The following IBSP variants were observed in gnomAD, a reference collection of about 807,000 sequenced individuals.
IBSP encodes integrin-binding sialoprotein.
IBSP carries 19 observed loss-of-function variants against 25.5 expected under a neutral mutation model. The ratio of observed to expected loss-of-function variants is 0.74; its 90% confidence interval spans 0.52 to 1.09. The LOEUF (loss-of-function observed/expected upper bound fraction) is 1.09, where lower values mean the gene tolerates loss of function less well. IBSP is among the 50% of genes least tolerant of loss of function. IBSP has a pLI of 0.00. For synonymous variants in IBSP, 144 were observed against 137.6 expected (o/e 1.05, Z -0.33); for missense variants, 360 against 382.3 (o/e 0.94, Z 0.49).
At chr4:87,809,156 T>C (rs960602223) in intron 5 of IBSP, among the ~76,000 whole-genome samples, 2 of 152,190 alleles carry the variant, frequency 1.3e-5, no homozygotes, top group Admixed American at 6.5e-5. Context: ...GATAATATCT[T>C]TGTAAGCGCA....
chr4:87,808,184 CTTT>C (rs547277695), intron 5 of IBSP, among the ~76,000 whole-genome samples: 2 of 143,622 alleles, frequency 1.4e-5, no homozygotes, highest in Admixed American at 1.4e-4. Flanking sequence ...ATAAAATAAA[CTTT>C]TTTTTTTTTT....
rs554466480 is a variant in IBSP at position 87,810,491 on chromosome 4, A to T, written c.247-115A>T. On this transcript the variant is annotated intron_variant, in intron 5 of 6. Transcript: ENST00000226284. Reference sequence around the variant, plus strand: ...CAGGCTTTGAGTGATCAGCCAGCTGAGGGATGCAAAGTTTTTCCAAATAAT... The same window carrying T: ...CAGGCTTTGAGTGATCAGCCAGCTGTGGGATGCAAAGTTTTTCCAAATAAT... 180 of 764,530 alleles carry T rather than the reference A, an allele frequency of 2.4e-4. No homozygotes were observed. The East Asian group carries it at 4.1e-3, about 17-fold the overall frequency. The allele number at this position is 764,530 out of a possible 1,614,324, so 47.4% of individuals were successfully genotyped here.
intron 1 of IBSP, among the ~76,000 whole-genome samples, chr4:87,801,345 G>A (rs1191434286): frequency 6.7e-6 from 1 of 150,118 alleles, no homozygotes; most frequent in East Asian, 1.9e-4. Flanking sequence ...GATATCTCAA[G>A]GCGAAACTCT....
In IBSP at chr4:87,811,435, A is replaced by G. The variant is rs981564125; in HGVS notation, c.479A>G (p.Asn160Ser). 6.2e-7 allele frequency: 1 copy of G among 1,613,916 alleles called. No homozygotes were observed. The highest frequency in any genetic ancestry group is 2.2e-5 in the East Asian group (1 of 44,830). The change falls in exon 7 of 7, where the codon AAT (asparagine) becomes AGT (serine). Residue 160 changes from asparagine to serine, a missense_variant. Coordinates refer to ENST00000226284, the MANE Select transcript of IBSP (RefSeq NM_004967.4). ...GAAGAAGAGGAGGAAGAGGAAGGAAATGAAAACGAAGAAAGCGAAGCAGAA... is the reference window on the plus strand; with the variant it reads ...GAAGAAGAGGAGGAAGAGGAAGGAAGTGAAAACGAAGAAAGCGAAGCAGAA... ...DEEEEEEEEGNENEESEAEVD... is the reference protein window; with the variant it reads ...DEEEEEEEEGSENEESEAEVD...
intron 5 of IBSP, among the ~76,000 whole-genome samples, chr4:87,809,780 G>T (rs1447032332): frequency 6.6e-6 from 1 of 152,044 alleles, no homozygotes; most frequent in Non-Finnish European, 1.5e-5. Flanking sequence ...TAAATAAATT[G>T]TATATATAGG....
At chr4:87,810,345 AT>A (rs1560527992) in intron 5 of IBSP, among the ~76,000 whole-genome samples, 2 of 152,234 alleles carry the variant, frequency 1.3e-5, no homozygotes, top group Middle Eastern at 3.2e-3. Flanking sequence ...AAACACAAGT[AT>A]TTTTTAATTG....
chr4:87,807,275 G>A (rs997556646), intron 5 of IBSP, among the ~76,000 whole-genome samples: 3 of 152,098 alleles, frequency 2.0e-5, no homozygotes, highest in African/African-American at 7.2e-5. Context: ...TTTCTCAGGT[G>A]CTATTTATGA....
At chr4:87,809,717 C>T (rs1459303932) in intron 5 of IBSP, among the ~76,000 whole-genome samples, 1 of 152,158 alleles carries the variant, frequency 6.6e-6, no homozygotes, top group African/African-American at 2.4e-5. Flanking sequence ...AAAGTTATCA[C>T]AATCTCTTAA....
intron 5 of IBSP, among the ~76,000 whole-genome samples, chr4:87,809,552 A>G (rs1486013752): frequency 2.0e-5 from 3 of 152,136 alleles, no homozygotes; most frequent in African/African-American, 7.2e-5. Context: ...TATTTGACAC[A>G]ATTAGCTTGG....
chr4:87,804,631 A>G (rs996270409), intron 4 of IBSP, among the ~76,000 whole-genome samples: 10 of 152,218 alleles, frequency 6.6e-5, no homozygotes, highest in Admixed American at 3.3e-4. Flanking sequence ...ATTGTCTTCA[A>G]TTTCAGAACT....
Position 87,811,769 on chromosome 4 carries a change from C to T in IBSP, c.813C>T (p.Tyr271=), listed in dbSNP as rs1304341987. ...ACGAATACACGGGCGCCAATGAATA[C>T]GACAATGGATATGAAATCTATGAAA... ...GEYEYTGANE[Y]DNGYEIYESE... is the part of the protein sequence containing the mutation. The change falls in exon 7 of 7, where the codon TAC becomes TAT. Residue 271 remains tyrosine, a synonymous_variant. Transcript: ENST00000226284. The T allele has an allele frequency of 6.2e-7, 1 of 1,613,698 alleles. No homozygotes were observed. Among genetic ancestry groups the T allele is most frequent in the Non-Finnish European group, 8.5e-7 (1 of 1,179,868 alleles).
At chr4:87,805,882 T>G (rs1722081511) in intron 4 of IBSP, among the ~76,000 whole-genome samples, 2 of 152,316 alleles carry the variant, frequency 1.3e-5, no homozygotes, top group South Asian at 4.1e-4. Flanking sequence ...AATTCATATC[T>G]TGATCATAGT....
rs991192212 is a variant in IBSP at position 87,799,585 on chromosome 4, T to C, written c.-63T>C. 5.3e-5 allele frequency: 8 copies of C among 152,162 alleles called. No homozygotes were observed. The highest frequency in any genetic ancestry group is 1.9e-4 in the African/African-American group (8 of 41,436). The allele number at this position is 152,162 out of a possible 1,614,324, so 9.4% of individuals were successfully genotyped here. On this transcript the variant is annotated 5_prime_UTR_variant, in exon 1 of 7. Transcript: ENST00000226284. ...GAGGGCAGAGGAAATACTCAATCTG[T>C]GCCACTCACTGCCTTGAGCCTGCTT... is the stretch of plus-strand genomic sequence containing the variant.
rs549592762 is a variant in IBSP at position 87,801,477 on chromosome 4, C to T, written c.-14-871C>T. ...TCTGTCTCTGTCTCTCATCCACCCA[C>T]CCATACACACACACACACACACACA... On this transcript the variant is annotated intron_variant, in intron 1 of 6. Transcript: ENST00000226284. 5.0e-4 allele frequency among the ~76,000 whole-genome samples: 51 copies of T among 101,702 alleles called. 1 individual carries two copies. The East Asian group carries it at 5.9e-3, about 12-fold the overall frequency. 66.7% of individuals were successfully genotyped at this position (101,702 alleles called of 152,430 possible). A position where few individuals can be genotyped will look rare whatever the true frequency, so the allele number is the denominator to read the frequency against.
Position 87,812,123 on chromosome 4 carries a change from A to G in IBSP, c.*213A>G, listed in dbSNP as rs567685467. On this transcript the variant is annotated 3_prime_UTR_variant, in exon 7 of 7. Transcript: ENST00000226284. ...TATGGAATGATCATTGTAAATCAGG[A>G]CCATTTATCAAGCAGTACACCAACT... 4.1e-4 allele frequency: 182 copies of G among 441,016 alleles called. No individual in the cohort carries two copies. In the South Asian group the frequency reaches 0.012, roughly 29 times the overall value. 27.3% of individuals were successfully genotyped at this position (441,016 alleles called of 1,614,324 possible). A position where few individuals can be genotyped will look rare whatever the true frequency, so the allele number is the denominator to read the frequency against.
rs1560528183 is a variant in IBSP, at chr4:87,810,739, T to A, written c.380T>A (p.Leu127Ter). The A allele has an allele frequency of 6.2e-7, 1 of 1,612,016 alleles. No individual in the cohort carries two copies. Among genetic ancestry groups the A allele is most frequent in the Admixed American group, 1.7e-5 (1 of 59,560 alleles). Residue 127 changes from leucine to a stop codon, truncating the protein, a stop_gained, in exon 6 of 7, where the codon TTA becomes TAA. Transcript: ENST00000226284. LOFTEE classifies it low-confidence loss of function (END_TRUNC). ...DATPGTGYTG[L>*]AAIQLPKKAG... ...ACGCCTGGCACAGGGTATACAGGGT[T>A]AGCTGCAATCCAGCTTCCCAAGAAG...
At chr4:87,801,316 T>C (rs1342779227) in intron 1 of IBSP, among the ~76,000 whole-genome samples, 2 of 152,098 alleles carry the variant, frequency 1.3e-5, no homozygotes, top group Non-Finnish European at 2.9e-5. Flanking sequence ...AGCAAATTAA[T>C]TTGAGGAAAT....
chr4:87,802,932 C>A (rs1315860210), intron 4 of IBSP, among the ~76,000 whole-genome samples: 1 of 152,136 alleles, frequency 6.6e-6, no homozygotes, highest in Non-Finnish European at 1.5e-5. Context: ...AGAGTAAAAT[C>A]ATTTGGATCA....
At chr4:87,810,452 G>A (rs1010966611) in intron 5 of IBSP, among the ~76,000 whole-genome samples, 154 bp from the exon 6 acceptor site, 4 of 152,152 alleles carry the variant, frequency 2.6e-5, no homozygotes, top group Admixed American at 2.6e-4. Flanking sequence ...AAGTGCAAAT[G>A]GCATAGGGGA....
Sources: allele counts gnomAD v4.1 joint callset (sites outside exome capture counted in the v4.1 genomes callset), GRCh38; gene constraint gnomAD v4.1.1; transcripts MANE v1.5; gene names NCBI Gene and HGNC (gene_info 2026-07-23, HGNC 2026-07-21).